Variants in PAPLN observed in about 807,000 individuals in gnomAD.
PAPLN encodes papilin, proteoglycan like sulfated glycoprotein, also known as papilin.
In PAPLN, 146 loss-of-function variants were observed where a neutral mutation model predicts 159.0. The observed-to-expected ratio is 0.92, with a 90% CI of 0.80 to 1.05. The LOEUF is 1.05. Among genes scored for constraint, PAPLN ranks in the 50% least tolerant of loss-of-function variants. The pLI is 0.00. For synonymous variants in PAPLN, 734 were observed against 702.9 expected (o/e 1.04, Z -0.70); for missense variants, 1,720 against 1,743.9 (o/e 0.99, Z 0.24).
At chr14:73,252,598 C>G in intron 10 of PAPLN, 51 bp from the exon 11 acceptor site, 2 of 1,595,704 alleles carry the variant, frequency 1.3e-6, no homozygotes, top group Non-Finnish European at 1.7e-6. Context: ...AGGGAACGCG[C>G]TTGGTGAATG....
chr14:73,250,146 G>A lies in PAPLN; in HGVS notation c.465+32G>A, dbSNP rs144152840. 383 of 1,570,316 alleles carry A rather than the reference G, an allele frequency of 2.4e-4. No homozygotes were observed. In the African/African-American group the frequency reaches 3.8e-3, roughly 15 times the overall value. ...GGTGCCCCAGCCCCTCCCTGCCTCC[G>A]GGCTGCCTGGGGGCTCAGTGCGGGT... On this transcript the variant is annotated intron_variant, in intron 6 of 26. Coordinates refer to ENST00000644200, the MANE Select transcript of PAPLN (RefSeq NM_001365906.3).
chr14:73,260,563 C>A, intron 16 of PAPLN, 146 bp from the exon 17 acceptor site: 1 of 1,076,734 alleles, frequency 9.3e-7, no homozygotes, highest in Non-Finnish European at 1.2e-6. Flanking sequence ...ACAAAATGGC[C>A]TGCCCTGCAC....
intron 12 of PAPLN, among the ~76,000 whole-genome samples, chr14:73,254,182 G>C (rs1885625637): frequency 6.6e-6 from 1 of 152,220 alleles, no homozygotes; most frequent in Non-Finnish European, 1.5e-5. Flanking sequence ...GGGCAGGAAA[G>C]GCCTGGGCAG....
At chr14:73,262,962 G>A (rs1014723664) in intron 19 of PAPLN, 135 bp downstream of exon 19, 61 of 823,136 alleles carry the variant, frequency 7.4e-5, no homozygotes, top group Non-Finnish European at 3.8e-5. Flanking sequence ...GCCCTGCCTG[G>A]TGGGCCTTGT....
intron 6 of PAPLN, among the ~76,000 whole-genome samples, chr14:73,250,419 T>C (rs1885110857): frequency 1.3e-5 from 2 of 152,286 alleles, no homozygotes; most frequent in South Asian, 4.1e-4. Flanking sequence ...ATGAATGAGG[T>C]GCCACTCGGC....
chr14:73,244,821 TG>T, intron 3 of PAPLN, 62 bp downstream of exon 3: 1 of 1,385,552 alleles, frequency 7.2e-7, no homozygotes. Context: ...GCCTTCTGGG[TG>T]GTGGGCTAGG....
rs909991909 is a variant in PAPLN, at chr14:73,254,789, T to C, written c.1486-88T>C. 6.3e-6 allele frequency: 10 copies of C among 1,591,188 alleles called. No individual in the cohort carries two copies. The African/African-American group carries it at 1.2e-4, about 19-fold the overall frequency. The stretch of plus-strand genomic sequence containing the variant: ...CGTCCTTGGACCTGACACGCGCCAC[T>C]GGGCACCTTCCCCTGCCTCTCTCCA... On this transcript the variant is annotated intron_variant, in intron 13 of 26. Coordinates refer to ENST00000644200, the MANE Select transcript of PAPLN (RefSeq NM_001365906.3).
At chr14:73,241,266 A>C (rs1481603402) in intron 2 of PAPLN, among the ~76,000 whole-genome samples, 3 of 152,148 alleles carry the variant, frequency 2.0e-5, no homozygotes, top group Admixed American at 1.3e-4. Context: ...CCACCCCATG[A>C]ATCTTGCTTC....
chr14:73,250,155 G>C lies in PAPLN; in HGVS notation c.465+41G>C, dbSNP rs767841358. 3.4e-5 allele frequency: 53 copies of C among 1,557,570 alleles called. No individual in the cohort carries two copies. The South Asian group carries it at 5.8e-4, about 17-fold the overall frequency. Reference sequence around the variant, plus strand: ...GCCCCTCCCTGCCTCCGGGCTGCCTGGGGGCTCAGTGCGGGTGTTTCCCTG... The same window carrying C: ...GCCCCTCCCTGCCTCCGGGCTGCCTCGGGGCTCAGTGCGGGTGTTTCCCTG... On this transcript the variant is annotated intron_variant, in intron 6 of 26. Transcript: ENST00000644200.
At chr14:73,254,428 C>A in intron 12 of PAPLN, 85 bp from the exon 13 acceptor site, 2 of 1,539,790 alleles carry the variant, frequency 1.3e-6, no homozygotes, top group Non-Finnish European at 1.8e-6. Context: ...TGCCTCCACA[C>A]CAGGCTGGTG....
intron 19 of PAPLN, chr14:73,263,378 C>T (rs1886799792): frequency 1.8e-6 from 1 of 564,748 alleles, no homozygotes; most frequent in Non-Finnish European, 3.2e-6. Context: ...CCGACCTCTC[C>T]CCACCCCTTG....
At chr14:73,250,288 A>G (rs1473962404) in intron 6 of PAPLN, among the ~76,000 whole-genome samples, 174 bp downstream of exon 6, 5 of 152,226 alleles carry the variant, frequency 3.3e-5, no homozygotes, top group African/African-American at 4.8e-5. Context: ...CAGATGCCCT[A>G]TGGCCCCTCA....
chr14:73,271,456 G>C (rs1887711680), intron 26 of PAPLN, among the ~76,000 whole-genome samples: 1 of 151,982 alleles, frequency 6.6e-6, no homozygotes, highest in African/African-American at 2.4e-5. Flanking sequence ...TAAGTCAGCT[G>C]AGTTTTAAGA....
At chr14:73,264,366 T>C (rs1176590790) in intron 21 of PAPLN, 31 bp downstream of exon 21, 8 of 1,598,740 alleles carry the variant, frequency 5.0e-6, no homozygotes, top group Non-Finnish European at 6.8e-6. Context: ...CACCAGTGCG[T>C]TCTCAGGGGC....
At position 73,251,037 on chromosome 14, in the gene PAPLN, G is replaced by T; in HGVS notation, c.589+7G>T. 6.2e-7 allele frequency: 1 copy of T among 1,608,088 alleles called. No individual in the cohort carries two copies. On this transcript the variant is annotated splice_region_variant and intron_variant, in intron 7 of 26. Coordinates refer to ENST00000644200, the MANE Select transcript of PAPLN (RefSeq NM_001365906.3). ...GCTAATGACCTCAGCCGAGGTGGGG[G>T]TGGTTCCGACAAGGGGCAGTTGCCT...
At position 73,272,679 on chromosome 14, in the gene PAPLN, T is replaced by A; in HGVS notation, c.*15T>A. The stretch of plus-strand genomic sequence containing the variant: ...TCTGGCAGTAGGGATGAAGGCTAGT[T>A]CCAGCCCCAGTCCAAAATAGTTCAT... On this transcript the variant is annotated 3_prime_UTR_variant, in exon 27 of 27. Coordinates refer to ENST00000644200, the MANE Select transcript of PAPLN (RefSeq NM_001365906.3). The A allele has an allele frequency of 6.5e-7, 1 of 1,547,706 alleles. No homozygotes were observed. Among genetic ancestry groups the A allele is most frequent in the South Asian group, 1.2e-5 (1 of 84,206 alleles).
In PAPLN at chr14:73,272,595, G is replaced by A; in HGVS notation, c.3768G>A (p.Glu1256=). 4 of 1,601,964 alleles carry A rather than the reference G, an allele frequency of 2.5e-6. No individual in the cohort carries two copies. The highest frequency in any genetic ancestry group is 1.1e-5 in the South Asian group (1 of 90,682). The change falls in exon 27 of 27, where the codon GAG becomes GAA. Residue 1256 remains glutamate, a synonymous_variant. Coordinates refer to ENST00000644200, the MANE Select transcript of PAPLN (RefSeq NM_001365906.3). ...LILQAQLCGN[E]YYSSFCCASC... ...TGCAGGCCCAGCTTTGTGGCAATGA[G>A]TATTACTCCAGCTTCTGCTGTGCCA... is the stretch of plus-strand genomic sequence containing the variant.
At chr14:73,254,085 T>A (rs1885616623) in intron 12 of PAPLN, 124 bp downstream of exon 12, 1 of 1,105,988 alleles carries the variant, frequency 9.0e-7, no homozygotes, top group Non-Finnish European at 1.3e-6. Flanking sequence ...CAGGTCATCT[T>A]GGAAGCTGTG....
intron 26 of PAPLN, among the ~76,000 whole-genome samples, chr14:73,269,682 G>T (rs1980414): frequency 0.72 from 110,173 of 152,144 alleles, 40,115 homozygotes; most frequent in East Asian, 0.86. Context: ...TCTTGTTCAC[G>T]GAGGGACTGA....
Sources: gnomAD v4.1 joint callset for allele counts (sites outside exome capture counted in the v4.1 genomes callset) on GRCh38, gnomAD v4.1.1 for gene constraint, MANE v1.5 for transcripts, NCBI Gene and HGNC (gene_info 2026-07-23, HGNC 2026-07-21) for gene names.